The following CIMAP1D variants were observed in gnomAD, a reference collection of about 807,000 sequenced individuals.
CIMAP1D encodes the protein CIMAP1 family member D.
At chr19:488,394 C>T in the CIMAP1D span, among the ~76,000 whole-genome samples, 9 of 151,966 alleles carry the variant, frequency 5.9e-5, no homozygotes, top group South Asian at 1.0e-3. Context: ...TGGTGGCAGG[C>T]GCCTGTAGTC....
the CIMAP1D span, among the ~76,000 whole-genome samples, chr19:490,544 C>T: frequency 6.6e-6 from 1 of 152,256 alleles, no homozygotes; most frequent in African/African-American, 2.4e-5. Context: ...CTAATTCTCA[C>T]AGGAAATATT....
At chr19:479,420 G>GTT in the CIMAP1D span, among the ~76,000 whole-genome samples, 3 of 146,146 alleles carry the variant, frequency 2.1e-5, no homozygotes, top group African/African-American at 7.5e-5. Flanking sequence ...TTGGGGGGGG[G>GTT]GGGGATGGAG....
the CIMAP1D span, among the ~76,000 whole-genome samples, chr19:474,409 G>A: frequency 1.3e-5 from 2 of 152,248 alleles, no homozygotes; most frequent in East Asian, 1.9e-4. Context: ...GGCAAAGCAC[G>A]CAGCTTCCGT....
the CIMAP1D span, among the ~76,000 whole-genome samples, chr19:473,292 A>G: frequency 9.2e-4 from 15 of 16,250 alleles, no homozygotes; most frequent in Admixed American, 1.3e-3. Context: ...CAGATGGGGA[A>G]ACTGAGGCCT....
At chr19:480,500 T>C in the CIMAP1D span, among the ~76,000 whole-genome samples, 1 of 110,750 alleles carries the variant, frequency 9.0e-6, no homozygotes, top group Non-Finnish European at 1.6e-5. Context: ...GTAAGGATGA[T>C]GGAGAAGGAT....
At chr19:475,292 A>T in the CIMAP1D span, among the ~76,000 whole-genome samples, 2 of 152,308 alleles carry the variant, frequency 1.3e-5, no homozygotes, top group Non-Finnish European at 1.5e-5. Flanking sequence ...CAAAGCATGT[A>T]CTGGGCACCT....
the CIMAP1D span, among the ~76,000 whole-genome samples, chr19:484,216 C>G: frequency 6.7e-6 from 1 of 150,120 alleles, no homozygotes; most frequent in Non-Finnish European, 1.5e-5. Context: ...TCTTGGCTCA[C>G]CACAATCTCT....
chr19:476,942 C>T, the CIMAP1D span, among the ~76,000 whole-genome samples: 3 of 152,224 alleles, frequency 2.0e-5, no homozygotes, highest in Non-Finnish European at 4.4e-5. Flanking sequence ...CACAGCGGCT[C>T]ACACCTGTAA....
the CIMAP1D span, among the ~76,000 whole-genome samples, chr19:466,683 T>TG: frequency 7.0e-6 from 1 of 143,644 alleles, no homozygotes; most frequent in African/African-American, 2.6e-5. Flanking sequence ...GATGAGTGGA[T>TG]GGACGGGTGG....
chr19:477,643 C>G, the CIMAP1D span, among the ~76,000 whole-genome samples: 1 of 152,028 alleles, frequency 6.6e-6, no homozygotes, highest in African/African-American at 2.4e-5. Context: ...AAAAGCTGGT[C>G]TTTATTTTTA....
chr19:464,437 C>T, the CIMAP1D span: 13 of 858,666 alleles, frequency 1.5e-5, no homozygotes, highest in Admixed American at 2.4e-5. Context: ...CTCCCCATGG[C>T]CCACATGCAC....
the CIMAP1D span, among the ~76,000 whole-genome samples, chr19:470,125 C>T: frequency 6.6e-6 from 1 of 152,182 alleles, no homozygotes; most frequent in African/African-American, 2.4e-5. Flanking sequence ...CCAGCCTCCC[C>T]ACGCTGTCTC....
At chr19:486,017 C>G in the CIMAP1D span, among the ~76,000 whole-genome samples, 7 of 152,208 alleles carry the variant, frequency 4.6e-5, no homozygotes, top group Non-Finnish European at 8.8e-5. Context: ...TTGTTCTTCC[C>G]GCAAGGACAC....
the CIMAP1D span, among the ~76,000 whole-genome samples, chr19:479,600 T>C: frequency 6.6e-6 from 1 of 152,202 alleles, no homozygotes; most frequent in Non-Finnish European, 1.5e-5. Flanking sequence ...AGACGGGGTT[T>C]CTCCATGTTG....
chr19:465,885 TGGGCG>T, the CIMAP1D span, among the ~76,000 whole-genome samples: 5 of 38,746 alleles, frequency 1.3e-4, no homozygotes, highest in Non-Finnish European at 1.5e-4. Context: ...GGTGGGTGGA[TGGGCG>T]GGTGGATGGA....
chr19:478,677 C>G, the CIMAP1D span, among the ~76,000 whole-genome samples: 1 of 152,250 alleles, frequency 6.6e-6, no homozygotes, highest in Non-Finnish European at 1.5e-5. Context: ...CCTGCCTGCT[C>G]GACAGAAGAG....
the CIMAP1D span, among the ~76,000 whole-genome samples, chr19:485,919 T>C: frequency 6.6e-6 from 1 of 151,860 alleles, no homozygotes; most frequent in Non-Finnish European, 1.5e-5. Context: ...ACTGCTGTCC[T>C]TTGTCCGGCG....
chr19:471,395 G>A, the CIMAP1D span, among the ~76,000 whole-genome samples: 2,859 of 151,838 alleles, frequency 0.019, 81 homozygotes, highest in African/African-American at 0.065. Context: ...GGATCCCCCC[G>A]CCTCGGCCTC....
At chr19:466,554 G>A in the CIMAP1D span, among the ~76,000 whole-genome samples, 7 of 150,670 alleles carry the variant, frequency 4.6e-5, no homozygotes, top group African/African-American at 1.7e-4. Context: ...GTGGATGGTT[G>A]GGAGGGTGGA....
Sources: gnomAD v4.1 joint callset for allele counts (sites outside exome capture counted in the v4.1 genomes callset) on GRCh38, gnomAD v4.1.1 for gene constraint, MANE v1.5 for transcripts, NCBI Gene and HGNC (gene_info 2026-07-23, HGNC 2026-07-21) for gene names.